TAMM41: variants seen among roughly 807,000 people sequenced by gnomAD.
TAMM41 encodes the protein phosphatidate cytidylyltransferase, mitochondrial.
Under a neutral mutation model 44.1 loss-of-function variants are expected in TAMM41, and 36 were observed. The observed-to-expected ratio is 0.82, with a 90% confidence interval of 0.63 to 1.08. The LOEUF is 1.08. Ranked by LOEUF, TAMM41 falls within the 50% of genes least tolerant of loss-of-function variation. The probability of loss-of-function intolerance (pLI) is 0.00; values close to 1 mark genes in which losing one functional copy is unlikely to be tolerated. For synonymous variants in TAMM41, 164 were observed against 153.1 expected (o/e 1.07, Z -0.53); for missense variants, 417 against 404.3 (o/e 1.03, Z -0.27).
chr3:11,754,728 TTTTG>T, the TAMM41 span, among the ~76,000 whole-genome samples: 1 of 147,642 alleles, frequency 6.8e-6, no homozygotes, highest in African/African-American at 2.5e-5. Context: ...TTTTTTTTTT[TTTTG>T]AGACAGAGTC....
At chr3:11,817,112 T>G in intron 5 of TAMM41, 80 bp downstream of exon 5, 1 of 1,429,016 alleles carries the variant, frequency 7.0e-7, no homozygotes, top group South Asian at 1.3e-5. Context: ...ACACCAGTCA[T>G]GCTGTTCTAC....
intron 7 of TAMM41, chr3:11,807,238 A>G: frequency 7.0e-7 from 1 of 1,433,214 alleles, no homozygotes; most frequent in Non-Finnish European, 9.1e-7. Flanking sequence ...CCATACCATC[A>G]AACTGAAAAC....
chr3:11,833,012 A>G lies in TAMM41; in HGVS notation c.412-3148T>C, dbSNP rs183378539. The G allele has an allele frequency of 2.8e-6, 3 of 1,061,126 alleles. No individual in the cohort carries two copies. In the African/African-American group the frequency reaches 5.1e-5, roughly 18 times the overall value. 65.7% of individuals were successfully genotyped at this position (1,061,126 alleles called of 1,614,324 possible). ...ATAAAAGCATCCTTACTCAAAGGAA[A>G]AATGTCAGTTCGGAAGATTCTGCTA... is the stretch of plus-strand genomic sequence containing the variant. On this transcript the variant is annotated intron_variant, in intron 3 of 7. Transcript: ENST00000455809.
intron 7 of TAMM41, among the ~76,000 whole-genome samples, chr3:11,803,062 A>G (rs57786878): frequency 0.14 from 20,665 of 152,220 alleles, 3,096 homozygotes; most frequent in East Asian, 0.48. Flanking sequence ...ACTTGAGATC[A>G]GGAATTCAAG....
intron 5 of TAMM41, among the ~76,000 whole-genome samples, chr3:11,813,640 G>C (rs1388666379): frequency 6.6e-6 from 1 of 151,990 alleles, no homozygotes; most frequent in African/African-American, 2.4e-5. Flanking sequence ...CTGTATTTTA[G>C]TGCCTCATTC....
rs963532196 is a variant in TAMM41 at position 11,846,848 on chromosome 3, G to A, written c.-212C>T. The A allele has an allele frequency of 1.5e-5, 9 of 595,360 alleles. No individual in the cohort carries two copies. Among genetic ancestry groups the A allele is most frequent in the Non-Finnish European group, 2.3e-5 (8 of 342,598 alleles). The allele number at this position is 595,360 out of a possible 1,614,324, so 36.9% of individuals were successfully genotyped here. A position where few individuals can be genotyped will look rare whatever the true frequency, so the allele number is the denominator to read the frequency against. On this transcript the variant is annotated 5_prime_UTR_variant, in exon 1 of 8. Coordinates refer to ENST00000455809, the MANE Select transcript of TAMM41 (RefSeq NM_001284401.2). ...CGGCGAGAAGACGCAGCCCAGATAG[G>A]CTCGGGTGGGCGGCGGTCGCACAGG...
chr3:11,732,956 A>C, the TAMM41 span, among the ~76,000 whole-genome samples: 1 of 149,846 alleles, frequency 6.7e-6, no homozygotes, highest in Non-Finnish European at 1.5e-5. Context: ...AAGCCACTTG[A>C]GGGAGTTTAG....
intron 5 of TAMM41, among the ~76,000 whole-genome samples, chr3:11,813,932 G>A (rs552548075): frequency 6.8e-6 from 1 of 146,662 alleles, no homozygotes; most frequent in South Asian, 2.2e-4. Flanking sequence ...ATATATGTGT[G>A]TATATATGTG....
intron 3 of TAMM41, among the ~76,000 whole-genome samples, chr3:11,837,715 G>A (rs1403269534): frequency 6.6e-6 from 1 of 152,200 alleles, no homozygotes; most frequent in African/African-American, 2.4e-5. Flanking sequence ...CCCTTGGGAC[G>A]CATCAGTGGA....
At chr3:11,764,550 T>C in the TAMM41 span, among the ~76,000 whole-genome samples, 2 of 139,288 alleles carry the variant, frequency 1.4e-5, no homozygotes, top group African/African-American at 5.5e-5. Context: ...TGGAGTTCAG[T>C]GGCGCGATCT....
rs1349348796 is a variant in TAMM41 at position 11,844,148 on chromosome 3, T to C, written c.199A>G (p.Lys67Glu). The change falls in exon 2 of 8, where the codon AAG becomes GAG. Residue 67 changes from lysine to glutamate, a missense_variant. Lys to Glu is a moderately conservative substitution (Grantham distance 56). Coordinates refer to ENST00000455809, the MANE Select transcript of TAMM41 (RefSeq NM_001284401.2). ...AAAGAGTAGTGACTCCAATTTTTCT[T>C]CAGGTTCTTTGAATGCCATGCGACA... ...DPVAWHSKNL[K>E]KNWSHYSFLK... is the part of the protein sequence containing the mutation. 1.2e-6 allele frequency: 2 copies of C among 1,614,192 alleles called. No homozygotes were observed. Among genetic ancestry groups the C allele is most frequent in the Admixed American group, 3.3e-5 (2 of 60,024 alleles).
the TAMM41 span, among the ~76,000 whole-genome samples, chr3:11,749,984 A>G: frequency 0.46 from 68,018 of 148,606 alleles, 17,249 homozygotes; most frequent in African/African-American, 0.7. Context: ...TGCAAGCTCC[A>G]CCTCCCGGTT....
At chr3:11,814,051 G>C (rs1209027663) in intron 5 of TAMM41, among the ~76,000 whole-genome samples, 3 of 151,694 alleles carry the variant, frequency 2.0e-5, no homozygotes, top group African/African-American at 7.3e-5. Flanking sequence ...AGTGGCATGG[G>C]CCTGTAGTCG....
chr3:11,803,374 G>A (rs1057385443), intron 7 of TAMM41, among the ~76,000 whole-genome samples: 1 of 152,024 alleles, frequency 6.6e-6, no homozygotes, highest in Non-Finnish European at 1.5e-5. Context: ...ACAGAGTGAG[G>A]CAGTTGCTCT....
At chr3:11,768,673 C>T in the TAMM41 span, among the ~76,000 whole-genome samples, 12 of 152,226 alleles carry the variant, frequency 7.9e-5, no homozygotes, top group Non-Finnish European at 1.8e-4. Flanking sequence ...CCTCCTGGCA[C>T]TTTTGTAACA....
chr3:11,784,796 C>CTTTTTTT, the TAMM41 span, among the ~76,000 whole-genome samples: 7 of 109,032 alleles, frequency 6.4e-5, no homozygotes, highest in African/African-American at 1.5e-4. Context: ...CTTTTCTTTT[C>CTTTTTTT]TTTTTTTTTT....
chr3:11,846,461 G>C (rs369843889), intron 1 of TAMM41, 41 bp downstream of exon 1: 4 of 1,612,872 alleles, frequency 2.5e-6, no homozygotes, highest in Non-Finnish European at 3.4e-6. Context: ...CGGGACTCGT[G>C]AGAACAGACA....
At position 11,844,046 on chromosome 3, in the gene TAMM41, T is replaced by C. The variant is rs573410206; in HGVS notation, c.301A>G (p.Ile101Val). 24 of 1,614,064 alleles carry C rather than the reference T, an allele frequency of 1.5e-5. No individual in the cohort carries two copies. The South Asian group carries it at 1.9e-4, about 13-fold the overall frequency. Residue 101 changes from isoleucine (I) to valine (V), a missense_variant, in exon 2 of 8, where the codon ATC becomes GTC. Coordinates refer to ENST00000455809, the MANE Select transcript of TAMM41 (RefSeq NM_001284401.2). The stretch of plus-strand genomic sequence containing the variant: ...TCACTTACCCTACCATTACACATGA[T>C]CAATGAATTGTAGTAAACTCCAGCG... ...YGAGVYYNSLIMCNGRLIKYG... is the reference protein window; with the variant it reads ...YGAGVYYNSLVMCNGRLIKYG...
chr3:11,808,369 G>T, intron 6 of TAMM41: 32 of 998,490 alleles, frequency 3.2e-5, no homozygotes, highest in Non-Finnish European at 3.8e-5. Flanking sequence ...CTGTTGCCAG[G>T]ATCATGTTCA....
Sources: allele counts gnomAD v4.1 joint callset (sites outside exome capture counted in the v4.1 genomes callset), GRCh38; gene constraint gnomAD v4.1.1; transcripts MANE v1.5; gene names NCBI Gene and HGNC (gene_info 2026-07-23, HGNC 2026-07-21).